The following ZAR1 variants were observed in gnomAD, a reference collection of about 807,000 sequenced individuals.
ZAR1 encodes the protein zygote arrest protein 1.
A neutral mutation model predicts 38.3 loss-of-function variants in ZAR1; 37 were observed. The ratio of observed to expected loss-of-function variants is 0.97; its 90% CI spans 0.74 to 1.27. The LOEUF (loss-of-function observed/expected upper bound fraction) is 1.27. Ranked by LOEUF, ZAR1 falls within the 50% of genes most tolerant of loss-of-function variation. The pLI, the probability that ZAR1 is intolerant of heterozygous loss-of-function variation, is 0.00. For synonymous variants in ZAR1, 336 were observed against 292.0 expected (o/e 1.15, Z -1.53); for missense variants, 651 against 632.4 (o/e 1.03, Z -0.32).
Position 48,490,759 on chromosome 4 carries a change from C to T in ZAR1, c.468C>T (p.Ser156=), listed in dbSNP as rs747223329. The T allele has an allele frequency of 8.3e-6, 12 of 1,437,514 alleles. No individual in the cohort carries two copies. In the African/African-American group the frequency reaches 1.5e-4, roughly 18 times the overall value. 89.0% of individuals were successfully genotyped at this position (1,437,514 alleles called of 1,614,324 possible). A position where few individuals can be genotyped will look rare whatever the true frequency, so the allele number is the denominator to read the frequency against. ...GCGGCTCTTTCTCCCAGCAGCCATC[C>T]CGTCGAGGCCTGGAGCAGGGCAGCC... ...TGGGSFSQQP[S]RRGLEQGSPQ... The change falls in exon 1 of 4, where the codon TCC becomes TCT. Residue 156 remains serine, a synonymous_variant. Coordinates refer to ENST00000327939, the MANE Select transcript of ZAR1 (RefSeq NM_175619.3).
chr4:48,495,107 A>G (rs1257044369), downstream of ZAR1, among the ~76,000 whole-genome samples: 6 of 151,904 alleles, frequency 3.9e-5, no homozygotes, highest in Admixed American at 1.3e-4. Context: ...TTTTGTCTTC[A>G]CTGACTTAGT....
chr4:48,491,472 C>T (rs973382926), intron 1 of ZAR1, among the ~76,000 whole-genome samples: 1 of 152,248 alleles, frequency 6.6e-6, no homozygotes, highest in African/African-American at 2.4e-5. Flanking sequence ...GCGGCTGCTC[C>T]ACGGGCTGGC....
In ZAR1 at chr4:48,490,637, G is replaced by C; in HGVS notation, c.346G>C (p.Ala116Pro). 1 of 1,352,582 alleles carries C rather than the reference G, an allele frequency of 7.4e-7. No individual in the cohort carries two copies. The highest frequency in any genetic ancestry group is 9.4e-7 in the Non-Finnish European group (1 of 1,061,488). 83.8% of individuals were successfully genotyped at this position (1,352,582 alleles called of 1,614,324 possible). A position where few individuals can be genotyped will look rare whatever the true frequency, so the allele number is the denominator to read the frequency against. The part of the protein sequence containing the change: ...VAVQVSPRID[A>P]AVQCSLGRRT... ...GGTGCAGGTGAGCCCGCGCATCGAC[G>C]CCGCGGTACAGTGCTCGCTGGGGAG... is the stretch of plus-strand genomic sequence containing the variant. The change falls in exon 1 of 4, where the codon GCC becomes CCC. Residue 116 changes from alanine to proline, a missense_variant. Ala to Pro is a conservative substitution (Grantham distance 27, BLOSUM62 -1). This residue lies in a region of ZAR1 where 522 missense variants were observed against 459.9 expected (regional missense o/e 1.14). Coordinates refer to ENST00000327939, the MANE Select transcript of ZAR1 (RefSeq NM_175619.3).
chr4:48,490,535 C>G lies in ZAR1; in HGVS notation c.244C>G (p.Arg82Gly), dbSNP rs1404992526. The G allele has an allele frequency of 1.4e-6, 2 of 1,457,994 alleles. No individual in the cohort carries two copies. The highest frequency in any genetic ancestry group is 2.0e-4 in the Middle Eastern group (1 of 5,106). 90.3% of individuals were successfully genotyped at this position (1,457,994 alleles called of 1,614,324 possible). Residue 82 changes from arginine (R) to glycine (G), a missense_variant, in exon 1 of 4, where the codon CGG becomes GGG. Arg to Gly is a moderately radical substitution (Grantham distance 125). Coordinates refer to ENST00000327939, the MANE Select transcript of ZAR1 (RefSeq NM_175619.3). ...GTACTTCGACAGCTACCAGCGGGAG[C>G]GGCTCATGGCTCTCCTGGCGCAGGT... ...AEYFDSYQRE[R>G]LMALLAQVGP...
downstream of ZAR1, among the ~76,000 whole-genome samples, chr4:48,494,817 G>A (rs115247284): frequency 4.3e-3 from 651 of 152,252 alleles, 7 homozygotes; most frequent in African/African-American, 0.014. Context: ...TGGCGGTGAT[G>A]GGGTAGGTAA....
In ZAR1 at chr4:48,490,296, C is replaced by T. The variant is rs1718382817; in HGVS notation, c.5C>T (p.Ala2Val). Residue 2 changes from alanine (A) to valine (V), a missense_variant, in exon 1 of 4, where the codon GCG becomes GTG. By Grantham distance (64) the Ala-to-Val change is moderately conservative. This residue lies in a region of ZAR1 where 522 missense variants were observed against 459.9 expected (regional missense o/e 1.14). Transcript: ENST00000327939. ...GCGGGCGGGAGCAGTGCGCCCATGG[C>T]GGCCCTGGGGGACGAGGTGCTGGAC... The part of the protein sequence containing the change: M[A>V]ALGDEVLDGY... The T allele has an allele frequency of 6.7e-7, 1 of 1,501,500 alleles. No individual in the cohort carries two copies. Among genetic ancestry groups the T allele is most frequent in the East Asian group, 2.8e-5 (1 of 35,480 alleles). 93.0% of individuals were successfully genotyped at this position (1,501,500 alleles called of 1,614,324 possible).
chr4:48,491,137 G>T lies in ZAR1; in HGVS notation c.846G>T (p.Gly282=). The part of the protein sequence containing the change: ...AAPRSALRSP[G]QPPSAGRARD... ...CGCGGTCGGCGCTAAGGAGCCCGGG[G>T]CAACCTCCGTCGGCGGGGAGGGCCC... The change falls in exon 1 of 4, where the codon GGG becomes GGT. Residue 282 remains glycine, a synonymous_variant. Transcript: ENST00000327939. The T allele has an allele frequency of 8.0e-7, 1 of 1,243,168 alleles. No individual in the cohort carries two copies. Among genetic ancestry groups the T allele is most frequent in the South Asian group, 3.7e-5 (1 of 27,108 alleles). The allele number at this position is 1,243,168 out of a possible 1,614,324, so 77.0% of individuals were successfully genotyped here.
Position 48,490,540 on chromosome 4 carries a change from C to T in ZAR1, c.249C>T (p.Leu83=), listed in dbSNP as rs878912022. ...EYFDSYQRER[L]MALLAQVGPG... The stretch of plus-strand genomic sequence containing the variant: ...TCGACAGCTACCAGCGGGAGCGGCT[C>T]ATGGCTCTCCTGGCGCAGGTGGGGC... The change falls in exon 1 of 4, where the codon CTC becomes CTT. Residue 83 remains leucine (L), a synonymous_variant. Coordinates refer to ENST00000327939, the MANE Select transcript of ZAR1 (RefSeq NM_175619.3). The T allele has an allele frequency of 3.4e-6, 5 of 1,456,484 alleles. No homozygotes were observed. In the South Asian group the frequency reaches 4.1e-5, roughly 12 times the overall value. The allele number at this position is 1,456,484 out of a possible 1,614,324, so 90.2% of individuals were successfully genotyped here.
At chr4:48,493,964 A>G (rs2148674881) in intron 3 of ZAR1, 137 bp from the exon 4 acceptor site, 1 of 1,065,462 alleles carries the variant, frequency 9.4e-7, no homozygotes, top group Middle Eastern at 2.1e-4. Flanking sequence ...AGGGATGTAG[A>G]GGGAAAACAA....
chr4:48,496,550 A>T, downstream of ZAR1, among the ~76,000 whole-genome samples: 1 of 152,224 alleles, frequency 6.6e-6, no homozygotes, highest in East Asian at 1.9e-4. Flanking sequence ...AGTGAGGATC[A>T]GACTGTTTTA....
Position 48,490,948 on chromosome 4 carries a change from G to A in ZAR1, c.657G>A (p.Arg219=). ...GAGAGAGGGGGCCGCCGCCCGCGCG[G>A]CTTCAAGGCCCAGAGGAGGGGGAGG... is the stretch of plus-strand genomic sequence containing the variant. ...SDGERGPPPA[R]LQGPEEGEVW... The change falls in exon 1 of 4, where the codon CGG becomes CGA. Residue 219 remains arginine (R), a synonymous_variant. Coordinates refer to ENST00000327939, the MANE Select transcript of ZAR1 (RefSeq NM_175619.3). 7.4e-7 allele frequency: 1 copy of A among 1,344,586 alleles called. No homozygotes were observed. The highest frequency in any genetic ancestry group is 9.5e-7 in the Non-Finnish European group (1 of 1,053,226). The allele number at this position is 1,344,586 out of a possible 1,614,324, so 83.3% of individuals were successfully genotyped here.
chr4:48,490,728 C>T lies in ZAR1; in HGVS notation c.437C>T (p.Thr146Met), dbSNP rs1477533124. 21 of 1,367,434 alleles carry T rather than the reference C, an allele frequency of 1.5e-5. No homozygotes were observed. The Admixed American group carries it at 1.8e-4, about 11-fold the overall frequency. The allele number at this position is 1,367,434 out of a possible 1,614,324, so 84.7% of individuals were successfully genotyped here. The change falls in exon 1 of 4, where the codon ACG becomes ATG. Residue 146 changes from threonine (T) to methionine (M), a missense_variant. By Grantham distance (81) the Thr-to-Met change is moderately conservative. Transcript: ENST00000327939. ...GCCGGCCCCGGGGCCGAGGGCACCA[C>T]GGGTGGCGGCTCTTTCTCCCAGCAG... ...SPAGPGAEGTTGGGSFSQQPS... is the reference protein window; with the variant it reads ...SPAGPGAEGTMGGGSFSQQPS...
downstream of ZAR1, among the ~76,000 whole-genome samples, chr4:48,496,353 G>A (rs190760381): frequency 4.6e-5 from 7 of 152,300 alleles, no homozygotes; most frequent in Non-Finnish European, 1.5e-5. Flanking sequence ...ACTGTGGCAT[G>A]CAAGTGATAC....
At chr4:48,494,417 G>GA, downstream of ZAR1, 1 of 847,986 alleles carries the variant, frequency 1.2e-6, no homozygotes, top group African/African-American at 1.7e-5. Context: ...ATCTGTCTTT[G>GA]AAAATAAAGT....
At position 48,490,497 on chromosome 4, in the gene ZAR1, T is replaced by A. The variant is rs577689018; in HGVS notation, c.206T>A (p.Leu69Gln). The A allele has an allele frequency of 3.5e-5, 52 of 1,470,152 alleles. No individual in the cohort carries two copies. In the African/African-American group the frequency reaches 7.4e-4, roughly 21 times the overall value. 91.1% of individuals were successfully genotyped at this position (1,470,152 alleles called of 1,614,324 possible). A position where few individuals can be genotyped will look rare whatever the true frequency, so the allele number is the denominator to read the frequency against. ...ASLSFPGCGR[L>Q]TAAEYFDSYQ... is the part of the protein sequence containing the mutation. ...TTGTCCTTCCCGGGCTGCGGGCGGC[T>A]GACGGCCGCCGAGTACTTCGACAGC... The change falls in exon 1 of 4, where the codon CTG becomes CAG. Residue 69 changes from leucine to glutamine, a missense_variant. By Grantham distance (113) the Leu-to-Gln change is moderately radical (BLOSUM62 -2). Coordinates refer to ENST00000327939, the MANE Select transcript of ZAR1 (RefSeq NM_175619.3).
chr4:48,491,260 G>C lies in ZAR1; in HGVS notation c.963+6G>C, dbSNP rs773084246. 1.1e-5 allele frequency: 14 copies of C among 1,234,616 alleles called. No individual in the cohort carries two copies. In the African/African-American group the frequency reaches 1.6e-4, roughly 14 times the overall value. The allele number at this position is 1,234,616 out of a possible 1,614,324, so 76.5% of individuals were successfully genotyped here. On this transcript the variant is annotated splice_donor_region_variant and intron_variant, in intron 1 of 3. Coordinates refer to ENST00000327939, the MANE Select transcript of ZAR1 (RefSeq NM_175619.3). ...AGGAGCGGCTGCGCTTCCAGGTAAA[G>C]CCTAGGGCGGTCAGGGCACAGGGGA... is the stretch of plus-strand genomic sequence containing the variant.
At chr4:48,494,453 C>CCACCG, downstream of ZAR1, 1 of 599,864 alleles carries the variant, frequency 1.7e-6, no homozygotes. Context: ...CTTGTGCTAA[C>CCACCG]AGTCTGGGCC....
chr4:48,497,084 T>G (rs867374733), downstream of ZAR1, among the ~76,000 whole-genome samples: 1 of 152,350 alleles, frequency 6.6e-6, no homozygotes, highest in Middle Eastern at 3.4e-3. Context: ...GTGGTTTTGT[T>G]TTAGAAGCAG....
rs2148673267 is a variant in ZAR1, at chr4:48,490,285, T to G, written c.-7T>G. On this transcript the variant is annotated 5_prime_UTR_variant, in exon 1 of 4. Transcript: ENST00000327939. ...AGGGTGCGGCGGCGGGCGGGAGCAGTGCGCCCATGGCGGCCCTGGGGGACG... is the reference window on the plus strand; with the variant it reads ...AGGGTGCGGCGGCGGGCGGGAGCAGGGCGCCCATGGCGGCCCTGGGGGACG... 1 of 1,496,624 alleles carries G rather than the reference T, an allele frequency of 6.7e-7. No homozygotes were observed. Among genetic ancestry groups the G allele is most frequent in the East Asian group, 2.8e-5 (1 of 35,160 alleles). The allele number at this position is 1,496,624 out of a possible 1,614,324, so 92.7% of individuals were successfully genotyped here.
Sources: gnomAD v4.1 joint callset for allele counts (sites outside exome capture counted in the v4.1 genomes callset) on GRCh38, gnomAD v4.1.1 for gene constraint, gnomAD v4.1.1 regional missense constraint, MANE v1.5 for transcripts, NCBI Gene and HGNC (gene_info 2026-07-23, HGNC 2026-07-21) for gene names.